Variants in KANK1 observed in about 807,000 individuals in gnomAD.
KANK1 encodes KN motif and ankyrin repeat domains 1.
In KANK1, 109 loss-of-function variants were observed where a neutral mutation model predicts 106.2. That is an observed-to-expected ratio of 1.03 (90% CI 0.88 to 1.20). KANK1 has a LOEUF of 1.20. Ranked by LOEUF, KANK1 falls within the 50% of genes most tolerant of loss-of-function variation. KANK1 has a pLI of 0.00. For synonymous variants in KANK1, 873 were observed against 652.2 expected (o/e 1.34, Z -5.16); for missense variants, 2,399 against 1,710.7 (o/e 1.40, Z -7.10).
intron 3 of KANK1, among the ~76,000 whole-genome samples, chr9:478,999 C>A (rs1412072488): frequency 2.7e-5 from 4 of 150,846 alleles, no homozygotes; most frequent in Non-Finnish European, 4.4e-5. Context: ...CTCACTGCAA[C>A]CTTCGCCTCC....
chr9:672,772 C>G (rs1041686680), intron 1 of KANK1, among the ~76,000 whole-genome samples: 6 of 152,154 alleles, frequency 3.9e-5, no homozygotes, highest in Admixed American at 2.6e-4. Context: ...TTCATTGTAC[C>G]TTACTTGGCG....
chr9:635,480 G>T (rs1324589929), intron 1 of KANK1, among the ~76,000 whole-genome samples: 1 of 152,030 alleles, frequency 6.6e-6, no homozygotes, highest in Non-Finnish European at 1.5e-5. Flanking sequence ...TCCCCAAAAT[G>T]CTAAGACTAA....
chr9:654,442 G>A lies in KANK1; in HGVS notation c.-83-22448G>A, dbSNP rs549350863. Among the ~76,000 whole-genome samples the A allele has an allele frequency of 1.2e-4, 19 of 152,290 alleles. No homozygotes were observed. The South Asian group carries it at 3.3e-3, about 27-fold the overall frequency. On this transcript the variant is annotated intron_variant, in intron 1 of 11. Coordinates refer to ENST00000382297, the MANE Select transcript of KANK1 (RefSeq NM_015158.5). ...CTTGGAATAGTATATTACCAGATCTGGAGGAACTACTATTCTCTTGCTATC... is the reference window on the plus strand; with the variant it reads ...CTTGGAATAGTATATTACCAGATCTAGAGGAACTACTATTCTCTTGCTATC...
intron 1 of KANK1, among the ~76,000 whole-genome samples, chr9:622,349 T>G (rs925812538): frequency 2.0e-5 from 3 of 152,112 alleles, no homozygotes; most frequent in South Asian, 2.1e-4. Context: ...GATAAATAAG[T>G]CATGGTCACT....
chr9:606,142 TACACACACACACACAC>T (rs3028170), intron 1 of KANK1, among the ~76,000 whole-genome samples: 8 of 141,694 alleles, frequency 5.6e-5, no homozygotes, highest in Admixed American at 3.5e-4. Context: ...CACATATTCC[TACACACACACACACAC>T]ACACACACAC....
chr9:722,309 T>A lies in KANK1; in HGVS notation c.2699-7742T>A, dbSNP rs538705667. On this transcript the variant is annotated intron_variant, in intron 3 of 11. Coordinates refer to ENST00000382297, the MANE Select transcript of KANK1 (RefSeq NM_015158.5). ...GTTTCACTTCAACTGCAAATAAGTG[T>A]TCATTCTCTCTCTCTCTCTCTGTCT... is the stretch of plus-strand genomic sequence containing the variant. Among the ~76,000 whole-genome samples, 119 of 151,784 alleles carry A rather than the reference T, an allele frequency of 7.8e-4. 3 individuals are homozygous for A. The highest frequency in any genetic ancestry group is 6.0e-4 in the Non-Finnish European group (41 of 68,022).
chr9:599,165 C>T (rs987211007), intron 1 of KANK1, among the ~76,000 whole-genome samples: 3 of 150,782 alleles, frequency 2.0e-5, no homozygotes, highest in African/African-American at 7.4e-5. Flanking sequence ...ATTACAGGCA[C>T]ACACCACCAT....
intron 1 of KANK1, among the ~76,000 whole-genome samples, chr9:526,239 C>T (rs947085485): frequency 1.3e-5 from 2 of 151,750 alleles, no homozygotes; most frequent in Admixed American, 6.6e-5. Flanking sequence ...GAGAACGGGA[C>T]GGCAGAGCAA....
chr9:737,346 AAG>A (rs1834060364), intron 7 of KANK1, among the ~76,000 whole-genome samples: 1 of 152,238 alleles, frequency 6.6e-6, no homozygotes, highest in Non-Finnish European at 1.5e-5. Context: ...TTTCTACAGA[AAG>A]AGGACTTCTT....
chr9:628,460 T>C (rs1002866510), intron 1 of KANK1, among the ~76,000 whole-genome samples: 1 of 152,330 alleles, frequency 6.6e-6, no homozygotes, highest in South Asian at 2.1e-4. Context: ...ATAGTTAACA[T>C]CTGAAATCAG....
chr9:632,441 G>A (rs1247623785), intron 1 of KANK1, among the ~76,000 whole-genome samples: 58 of 152,126 alleles, frequency 3.8e-4, no homozygotes, highest in Non-Finnish European at 2.9e-5. Flanking sequence ...AACTGGTTAA[G>A]AAGATAATTA....
chr9:615,870 G>A (rs77971464), intron 1 of KANK1, among the ~76,000 whole-genome samples: 3,095 of 152,304 alleles, frequency 0.02, 102 homozygotes, highest in African/African-American at 0.07. Context: ...GAATCCAGGT[G>A]GAAAAATGCT....
At chr9:618,019 G>T (rs1222140683) in intron 1 of KANK1, among the ~76,000 whole-genome samples, 2 of 152,104 alleles carry the variant, frequency 1.3e-5, no homozygotes, top group Non-Finnish European at 2.9e-5. Context: ...TGGCCTACCT[G>T]CCTCCTAATA....
chr9:524,578 T>C (rs759586287), intron 1 of KANK1, among the ~76,000 whole-genome samples: 10 of 151,722 alleles, frequency 6.6e-5, no homozygotes, highest in Admixed American at 1.3e-4. Context: ...AGTGCAGTGC[T>C]GCGATCTCAG....
Position 731,266 on chromosome 9 carries a change from G to C in KANK1, c.3005G>C (p.Gly1002Ala). 1 of 1,564,290 alleles carries C rather than the reference G, an allele frequency of 6.4e-7. No individual in the cohort carries two copies. The highest frequency in any genetic ancestry group is 8.8e-7 in the Non-Finnish European group (1 of 1,135,890). ...KNLQFVGING[G>A]YETTSSDDSS... ...CTTCAGTTTGTTGGCATTAATGGAG[G>C]GTAAGGAAAGATGGTGGTTCTAGAG... Residue 1002 changes from glycine to alanine, a missense_variant and splice_region_variant, in exon 5 of 12, where the codon GGG becomes GCG. Gly to Ala is a moderately conservative substitution (Grantham distance 60). Coordinates refer to ENST00000382297, the MANE Select transcript of KANK1 (RefSeq NM_015158.5).
intron 2 of KANK1, among the ~76,000 whole-genome samples, chr9:684,766 GA>G (rs977577434): frequency 6.6e-6 from 1 of 152,132 alleles, no homozygotes. Flanking sequence ...GGGCTTAGAG[GA>G]AAATGATCGT....
intron 1 of KANK1, among the ~76,000 whole-genome samples, chr9:505,685 C>T (rs1337777844): frequency 6.6e-6 from 1 of 152,228 alleles, no homozygotes; most frequent in Non-Finnish European, 1.5e-5. Flanking sequence ...CAATTTATGG[C>T]GTCCGCCAGC....
chr9:688,129 C>T (rs1818981500), intron 2 of KANK1, among the ~76,000 whole-genome samples: 1 of 152,226 alleles, frequency 6.6e-6, no homozygotes, highest in Admixed American at 6.5e-5. Flanking sequence ...TTTCTTCCAG[C>T]CTTTTCCCGT....
intron 3 of KANK1, chr9:478,374 C>G (rs948005729): frequency 6.6e-6 from 1 of 152,490 alleles, no homozygotes; most frequent in African/African-American, 2.4e-5. Context: ...GAAAAAATTT[C>G]AATAAAGGAT....
Sources: gnomAD v4.1 joint callset for allele counts (sites outside exome capture counted in the v4.1 genomes callset) on GRCh38, gnomAD v4.1.1 for gene constraint, MANE v1.5 for transcripts, NCBI Gene and HGNC (gene_info 2026-07-23, HGNC 2026-07-21) for gene names.